FOXP2: variants seen among roughly 807,000 people sequenced by gnomAD.
FOXP2 encodes forkhead box protein P2.
Under a neutral mutation model 115.8 loss-of-function variants are expected in FOXP2, and 12 were observed. The observed-to-expected ratio is 0.10, with a 90% CI of 0.07 to 0.17. FOXP2 has a LOEUF of 0.17. Ranked by LOEUF, FOXP2 falls within the 10% of genes least tolerant of loss-of-function variation. The probability of loss-of-function intolerance (pLI) is 1.00; values close to 1 mark genes in which losing one functional copy is unlikely to be tolerated. For synonymous variants in FOXP2, 328 were observed against 297.7 expected (o/e 1.10, Z -1.05); for missense variants, 629 against 843.5 (o/e 0.75, Z 3.15).
At chr7:114,244,857 G>T (rs1438377756) in intron 1 of FOXP2, among the ~76,000 whole-genome samples, 1 of 151,958 alleles carries the variant, frequency 6.6e-6, no homozygotes, top group Admixed American at 6.6e-5. Flanking sequence ...CGCCTCCCGG[G>T]TTCACGCCAT....
intron 1 of FOXP2, among the ~76,000 whole-genome samples, chr7:114,223,650 T>C (rs1214558544): frequency 6.6e-6 from 1 of 150,814 alleles, no homozygotes; most frequent in Non-Finnish European, 1.5e-5. Context: ...TTTTCTTTTC[T>C]TTTTGTTGAG....
chr7:114,662,349 C>G (rs1806916468), intron 14 of FOXP2, among the ~76,000 whole-genome samples, 163 bp downstream of exon 14: 1 of 152,046 alleles, frequency 6.6e-6, no homozygotes, highest in Admixed American at 6.6e-5. Context: ...CATAAATCAA[C>G]AGTAGCCTAT....
intron 2 of FOXP2, among the ~76,000 whole-genome samples, chr7:114,365,624 G>A (rs897132930): frequency 3.9e-5 from 6 of 152,000 alleles, no homozygotes; most frequent in African/African-American, 1.4e-4. Flanking sequence ...ATCTCTAAAA[G>A]ACCATTTCAA....
chr7:114,494,480 C>A (rs776891819), intron 2 of FOXP2, among the ~76,000 whole-genome samples: 1 of 152,112 alleles, frequency 6.6e-6, no homozygotes, highest in Non-Finnish European at 1.5e-5. Flanking sequence ...CCACCATGAC[C>A]TGCTAAAACA....
At chr7:114,618,857 T>A (rs987527214) in intron 3 of FOXP2, among the ~76,000 whole-genome samples, 1 of 152,130 alleles carries the variant, frequency 6.6e-6, no homozygotes, top group African/African-American at 2.4e-5. Context: ...GAATTAAGTC[T>A]CTTGAAGGGG....
chr7:114,607,854 AGAAAGG>A (rs758837383), intron 3 of FOXP2, among the ~76,000 whole-genome samples: 1 of 152,356 alleles, frequency 6.6e-6, no homozygotes, highest in Non-Finnish European at 1.5e-5. Flanking sequence ...AAAGATATGT[AGAAAGG>A]GAAAGAGAAG....
chr7:114,237,667 A>T (rs535474690), intron 1 of FOXP2, among the ~76,000 whole-genome samples: 48 of 150,944 alleles, frequency 3.2e-4, no homozygotes, highest in African/African-American at 6.3e-4. Flanking sequence ...TTTGTTTTTT[A>T]AAAAAATTAT....
intron 16 of FOXP2, among the ~76,000 whole-genome samples, chr7:114,688,317 T>G (rs751757397): frequency 5.3e-5 from 8 of 150,614 alleles, no homozygotes; most frequent in Admixed American, 1.3e-4. Flanking sequence ...AAACGTATAA[T>G]TTACTAACAC....
At chr7:114,482,672 T>C (rs1031378666) in intron 2 of FOXP2, among the ~76,000 whole-genome samples, 3 of 151,582 alleles carry the variant, frequency 2.0e-5, no homozygotes, top group East Asian at 1.9e-4. Flanking sequence ...CATGTAGATA[T>C]AAATATTTTT....
intron 8 of FOXP2, among the ~76,000 whole-genome samples, chr7:114,646,033 A>G (rs899663615): frequency 1.8e-4 from 24 of 134,942 alleles, no homozygotes; most frequent in African/African-American, 5.7e-4. Context: ...AAAAAATGTT[A>G]GGTAGCTTTG....
chr7:114,176,234 T>TCTCTCTCTCTC (rs1562992738), intron 1 of FOXP2, among the ~76,000 whole-genome samples: 5 of 149,520 alleles, frequency 3.3e-5, no homozygotes, highest in African/African-American at 1.2e-4. Flanking sequence ...GTCTTGTCTT[T>TCTCTCTCTCTC]TCTTTCTTTC....
chr7:114,154,590 T>C (rs1224103145), intron 1 of FOXP2, among the ~76,000 whole-genome samples: 5 of 152,134 alleles, frequency 3.3e-5, no homozygotes, highest in Non-Finnish European at 7.4e-5. Flanking sequence ...AAATGGTTAA[T>C]GTGAACTTCA....
chr7:114,591,448 A>AG (rs1242914503), intron 3 of FOXP2, among the ~76,000 whole-genome samples: 13 of 152,240 alleles, frequency 8.5e-5, no homozygotes, highest in African/African-American at 3.1e-4. Context: ...AGAAAGGTTG[A>AG]GAAAAATTAT....
rs1046193448 is a variant in FOXP2 at position 114,298,885 on chromosome 7, T to C, written c.-11+10776T>C. ...AATTATGGAATGTATTTTAAATAAG[T>C]CACTTTACTTTCAAATAGAGGCACG... On this transcript the variant is annotated intron_variant, in intron 2 of 17. Coordinates refer to the FOXP2 transcript ENST00000634411. 2.0e-5 allele frequency among the ~76,000 whole-genome samples: 3 copies of C among 152,144 alleles called. No homozygotes were observed. In the South Asian group the frequency reaches 6.2e-4, roughly 32 times the overall value.
chr7:114,315,505 A>G (rs147493045), intron 2 of FOXP2, among the ~76,000 whole-genome samples: 343 of 152,232 alleles, frequency 2.3e-3, no homozygotes, highest in Non-Finnish European at 3.1e-3. Context: ...ATGAAGTATT[A>G]TATTTTGGGC....
intron 2 of FOXP2, among the ~76,000 whole-genome samples, chr7:114,483,437 G>T (rs985401487): frequency 6.6e-6 from 1 of 151,516 alleles, no homozygotes; most frequent in Non-Finnish European, 1.5e-5. Context: ...TAAATATTGT[G>T]CTCAGTTCTA....
chr7:114,433,938 G>T (rs2129208550), intron 2 of FOXP2, among the ~76,000 whole-genome samples: 1 of 152,040 alleles, frequency 6.6e-6, no homozygotes, highest in Non-Finnish European at 1.5e-5. Flanking sequence ...TCTGGCAAAA[G>T]AGGAGTTAAT....
rs192682828 is a variant in FOXP2 at position 114,202,233 on chromosome 7, A to G, written c.-102+39145A>G. 8.5e-5 allele frequency among the ~76,000 whole-genome samples: 13 copies of G among 152,292 alleles called. No homozygotes were observed. In the East Asian group the frequency reaches 2.5e-3, roughly 29 times the overall value. ...GCAAATGAATAGGGGATATGAAAAT[A>G]TCCTTCTCTCTTGCCTTCTCCTCAT... On this transcript the variant is annotated intron_variant, in intron 1 of 17. Coordinates refer to the FOXP2 transcript ENST00000634411.
At chr7:114,113,283 TAAATAAACTC>T (rs1052379827) in intron 1 of FOXP2, among the ~76,000 whole-genome samples, 3 of 152,096 alleles carry the variant, frequency 2.0e-5, no homozygotes, top group Non-Finnish European at 2.9e-5. Context: ...AAAGCACAAT[TAAATAAACTC>T]ATGAAGAAAA....
Sources: gnomAD v4.1 joint callset for allele counts (sites outside exome capture counted in the v4.1 genomes callset) on GRCh38, gnomAD v4.1.1 for gene constraint, MANE v1.5 for transcripts, NCBI Gene and HGNC (gene_info 2026-07-23, HGNC 2026-07-21) for gene names.